The following PRKG1 variants were observed in gnomAD, a reference collection of about 807,000 sequenced individuals.
PRKG1 encodes cGMP-dependent protein kinase 1.
Under a neutral mutation model 88.1 loss-of-function variants are expected in PRKG1, and 35 were observed. The observed-to-expected ratio is 0.40, with a 90% CI of 0.30 to 0.53. The LOEUF is 0.53. Among genes scored for constraint, PRKG1 ranks in the 20% least tolerant of loss-of-function variants. The pLI is 0.59. For synonymous variants in PRKG1, 303 were observed against 292.5 expected, an observed-to-expected ratio of 1.04 and a Z score of -0.37; for missense variants, 540 against 839.8, an observed-to-expected ratio of 0.64 and a Z score of 4.41.
chr10:52,059,368 T>C (rs1846182192), intron 6 of PRKG1, among the ~76,000 whole-genome samples: 1 of 151,998 alleles, frequency 6.6e-6, no homozygotes, highest in African/African-American at 2.4e-5. Context: ...TCTGCATCAG[T>C]GTTTGTAGCA....
chr10:52,217,409 T>A (rs1840140453), intron 9 of PRKG1, among the ~76,000 whole-genome samples: 1 of 151,988 alleles, frequency 6.6e-6, no homozygotes, highest in African/African-American at 2.4e-5. Flanking sequence ...TAAGTAGAGT[T>A]CTCTCTTTTT....
intron 2 of PRKG1, among the ~76,000 whole-genome samples, chr10:51,198,602 A>G (rs1837833780): frequency 6.6e-6 from 1 of 152,198 alleles, no homozygotes; most frequent in Non-Finnish European, 1.5e-5. Flanking sequence ...AAATTGCATT[A>G]AAGCATTCAT....
intron 3 of PRKG1, among the ~76,000 whole-genome samples, chr10:51,724,820 A>G (rs569681791): frequency 6.7e-6 from 1 of 149,006 alleles, no homozygotes; most frequent in Non-Finnish European, 1.5e-5. Flanking sequence ...CCTCAGCCTG[A>G]GTAGCTGGAA....
chr10:51,143,006 T>C (rs1845857554), intron 1 of PRKG1, among the ~76,000 whole-genome samples: 1 of 152,146 alleles, frequency 6.6e-6, no homozygotes, highest in Non-Finnish European at 1.5e-5. Context: ...CCATTGTCCT[T>C]ACATGTTTCA....
intron 8 of PRKG1, among the ~76,000 whole-genome samples, chr10:52,160,661 A>G (rs1034209677): frequency 9.2e-5 from 14 of 152,154 alleles, no homozygotes; most frequent in South Asian, 4.1e-4. Context: ...TGTAAAAGCA[A>G]TTAAGGAACA....
chr10:52,173,791 G>C (rs1175150450), intron 9 of PRKG1, among the ~76,000 whole-genome samples: 1 of 152,122 alleles, frequency 6.6e-6, no homozygotes, highest in Non-Finnish European at 1.5e-5. Context: ...AGAAAACCTA[G>C]ATACATTACT....
chr10:51,609,368 T>C (rs2132240921), intron 3 of PRKG1, among the ~76,000 whole-genome samples: 1 of 152,250 alleles, frequency 6.6e-6, no homozygotes, highest in African/African-American at 2.4e-5. Context: ...TTAAATATTG[T>C]TAAAAATTTA....
At chr10:51,299,925 T>A (rs1840835645) in intron 2 of PRKG1, among the ~76,000 whole-genome samples, 1 of 152,190 alleles carries the variant, frequency 6.6e-6, no homozygotes, top group Non-Finnish European at 1.5e-5. Context: ...CCTGGTACTA[T>A]TCATTCTTCT....
chr10:51,206,668 T>C (rs1415834405), intron 2 of PRKG1, among the ~76,000 whole-genome samples: 2 of 152,182 alleles, frequency 1.3e-5, no homozygotes, highest in African/African-American at 2.4e-5. Context: ...CACTTTTTCT[T>C]GGGAAATAGA....
chr10:52,019,805 G>A (rs939597008), intron 5 of PRKG1, among the ~76,000 whole-genome samples: 1 of 152,088 alleles, frequency 6.6e-6, no homozygotes, highest in Admixed American at 6.6e-5. Flanking sequence ...TTTGTCTGGG[G>A]ACTGACAGTT....
At chr10:51,088,318 T>G (rs925354354) in intron 1 of PRKG1, among the ~76,000 whole-genome samples, 1 of 152,256 alleles carries the variant, frequency 6.6e-6, no homozygotes, top group South Asian at 2.1e-4. Flanking sequence ...TAATAGAAAT[T>G]TTTGGAAAGT....
intron 3 of PRKG1, among the ~76,000 whole-genome samples, chr10:51,574,939 A>C (rs1837846793): frequency 1.3e-5 from 2 of 152,016 alleles, no homozygotes; most frequent in South Asian, 4.1e-4. Context: ...TGGTGAGAGC[A>C]GGAGAGACAA....
At chr10:51,884,818 T>C (rs1841529432) in intron 4 of PRKG1, among the ~76,000 whole-genome samples, 1 of 152,172 alleles carries the variant, frequency 6.6e-6, no homozygotes, top group Non-Finnish European at 1.5e-5. Flanking sequence ...TTTGACCTTA[T>C]TTTTTGGGTC....
intron 2 of PRKG1, among the ~76,000 whole-genome samples, chr10:51,361,794 A>T (rs191837370): frequency 2.6e-5 from 4 of 151,948 alleles, no homozygotes; most frequent in Admixed American, 2.6e-4. Context: ...CCTATGTTGG[A>T]TTTTTAGTGG....
rs530757702 is a variant in PRKG1 at position 51,918,322 on chromosome 10, C to T, written c.762+10752C>T. ...AGGTTGTACTTCCTTCTGAAAATAT[C>T]GACTTGACTTATTTTTTTTTTATTT... On this transcript the variant is annotated intron_variant, in intron 5 of 17. Coordinates refer to ENST00000373980, the MANE Select transcript of PRKG1 (RefSeq NM_006258.4). Among the ~76,000 whole-genome samples, 8 of 146,258 alleles carry T rather than the reference C, an allele frequency of 5.5e-5. No individual in the cohort carries two copies. The South Asian group carries it at 8.4e-4, about 15-fold the overall frequency.
At chr10:51,752,470 G>A (rs1837751559) in intron 3 of PRKG1, among the ~76,000 whole-genome samples, 1 of 152,160 alleles carries the variant, frequency 6.6e-6, no homozygotes, top group Non-Finnish European at 1.5e-5. Flanking sequence ...TTTAGGGATG[G>A]AGAGGGTCAT....
intron 9 of PRKG1, chr10:52,185,194 A>G (rs1049310362): frequency 1.3e-5 from 2 of 152,226 alleles, no homozygotes; most frequent in African/African-American, 4.8e-5. Context: ...TTTACACCCA[A>G]GATACAATGG....
rs189354759 is a variant in PRKG1, at chr10:51,139,491, T to C, written c.312-13673T>C. On this transcript the variant is annotated intron_variant, in intron 1 of 17. Coordinates refer to ENST00000373980, the MANE Select transcript of PRKG1 (RefSeq NM_006258.4). ...TTTGTGTCTCTGCTATTTCTCAGTC[T>C]CCTTTGTGGGACCTCTCTCTTGACC... Among the ~76,000 whole-genome samples the C allele has an allele frequency of 6.6e-5, 10 of 152,254 alleles. No individual in the cohort carries two copies. The South Asian group carries it at 8.3e-4, about 13-fold the overall frequency.
At chr10:51,306,469 A>G (rs1462471338) in intron 2 of PRKG1, 4 of 151,960 alleles carry the variant, frequency 2.6e-5, no homozygotes, top group African/African-American at 4.8e-5. Context: ...GAGTTTCCAT[A>G]GTTGATATGT....
Sources: allele counts gnomAD v4.1 joint callset (sites outside exome capture counted in the v4.1 genomes callset), GRCh38; gene constraint gnomAD v4.1.1; transcripts MANE v1.5; gene names NCBI Gene and HGNC (gene_info 2026-07-23, HGNC 2026-07-21).